Variants in FAM227B observed in about 807,000 individuals in gnomAD.
The protein encoded by FAM227B is family with sequence similarity 227 member B, also known as protein FAM227B.
Under a neutral mutation model 73.8 loss-of-function variants are expected in FAM227B, and 88 were observed. The observed-to-expected ratio is 1.19, with a 90% CI of 1.00 to 1.42. The LOEUF (loss-of-function observed/expected upper bound fraction) is 1.42. Ranked by LOEUF, FAM227B falls within the 40% of genes most tolerant of loss-of-function variation. The pLI, the probability that FAM227B is intolerant of heterozygous loss-of-function variation, is 0.00. For missense variants in FAM227B, 632 were observed against 590.9 expected (o/e 1.07, Z -0.72); for synonymous variants, 210 against 190.5 (o/e 1.10, Z -0.84).
intron 11 of FAM227B, among the ~76,000 whole-genome samples, chr15:49,470,521 A>G (rs2054644917): frequency 6.6e-6 from 1 of 152,146 alleles, no homozygotes; most frequent in African/African-American, 2.4e-5. Flanking sequence ...ACTCCAACAC[A>G]TTATCACTCC....
chr15:49,353,907 CTT>C (rs1174882540), intron 13 of FAM227B: 1 of 152,022 alleles, frequency 6.6e-6, no homozygotes, highest in Non-Finnish European at 1.5e-5. Context: ...TTGATAGTTA[CTT>C]TAGTAATAAC....
intron 13 of FAM227B, chr15:49,344,205 AAG>A (rs1214976457): frequency 6.6e-6 from 1 of 152,188 alleles, no homozygotes; most frequent in African/African-American, 2.4e-5. Flanking sequence ...AATCAAAAGA[AAG>A]AAAATTATCA....
chr15:49,341,820 ATTTG>A (rs1182590910), intron 13 of FAM227B, among the ~76,000 whole-genome samples: 1 of 152,008 alleles, frequency 6.6e-6, no homozygotes, highest in Non-Finnish European at 1.5e-5. Flanking sequence ...GGCAGGGGCA[ATTTG>A]TTTGATTTTC....
At chr15:49,348,223 G>A (rs983267475) in intron 13 of FAM227B, among the ~76,000 whole-genome samples, 1 of 151,994 alleles carries the variant, frequency 6.6e-6, no homozygotes, top group African/African-American at 2.4e-5. Context: ...TGCTTTGAAG[G>A]ACTTTGGCTA....
At chr15:49,601,320 G>A (rs2077193335) in intron 3 of FAM227B, among the ~76,000 whole-genome samples, 1 of 151,232 alleles carries the variant, frequency 6.6e-6, no homozygotes, top group African/African-American at 2.4e-5. Context: ...GTTATATAAG[G>A]CTTACATAAA....
chr15:49,549,967 C>T (rs1250973520), intron 9 of FAM227B, among the ~76,000 whole-genome samples: 1 of 108,354 alleles, frequency 9.2e-6, no homozygotes, highest in Admixed American at 9.1e-5. Flanking sequence ...GGGGGCTGAC[C>T]CCCCCACCTC....
chr15:49,387,073 A>T (rs768635936), intron 11 of FAM227B, among the ~76,000 whole-genome samples: 3 of 151,876 alleles, frequency 2.0e-5, no homozygotes, highest in Non-Finnish European at 2.9e-5. Context: ...ACATTCAAAG[A>T]ATTGGTACTA....
intron 11 of FAM227B, among the ~76,000 whole-genome samples, chr15:49,404,536 T>TA (rs1469061638): frequency 6.6e-6 from 1 of 152,040 alleles, no homozygotes; most frequent in African/African-American, 2.4e-5. Context: ...GTCTTTTTTT[T>TA]ATGTTTGTTG....
At chr15:49,378,728 AGAT>A in intron 11 of FAM227B, among the ~76,000 whole-genome samples, 1 of 152,254 alleles carries the variant, frequency 6.6e-6, no homozygotes, top group Non-Finnish European at 1.5e-5. Flanking sequence ...TCCAAATATA[AGAT>A]AAACTCATCT....
intron 13 of FAM227B, among the ~76,000 whole-genome samples, chr15:49,355,558 T>A (rs1404841728): frequency 6.6e-6 from 1 of 151,952 alleles, no homozygotes; most frequent in Non-Finnish European, 1.5e-5. Flanking sequence ...TAAAAAGAAA[T>A]GAGCAAAGCC....
intron 8 of FAM227B, among the ~76,000 whole-genome samples, chr15:49,570,774 G>C (rs1158148089): frequency 6.7e-6 from 1 of 148,884 alleles, no homozygotes; most frequent in Non-Finnish European, 1.5e-5. Context: ...TTCCATCTAG[G>C]TTGTTGGAAA....
chr15:49,492,189 G>C (rs1159165434), intron 11 of FAM227B, among the ~76,000 whole-genome samples: 1 of 151,862 alleles, frequency 6.6e-6, no homozygotes, highest in Non-Finnish European at 1.5e-5. Flanking sequence ...GTCAGTCACA[G>C]GTTTGAAAGC....
rs12148716 is a variant in FAM227B at position 49,577,379 on chromosome 15, T to C, written c.441+250A>G. On this transcript the variant is annotated intron_variant, in intron 6 of 15. Coordinates refer to ENST00000299338, the MANE Select transcript of FAM227B (RefSeq NM_152647.3). ...AACCCTAGCACATTCATATGTCATA[T>C]CTAAAATAAAAACAAAATCATATTT... is the stretch of plus-strand genomic sequence containing the variant. The C allele has an allele frequency of 0.25, 102,762 of 419,146 alleles. 14,962 individuals are homozygous for C. Among genetic ancestry groups the C allele is most frequent in the Non-Finnish European group, 0.31 (72,336 of 229,904 alleles). The allele number at this position is 419,146 out of a possible 1,614,324, so 26.0% of individuals were successfully genotyped here.
intron 11 of FAM227B, chr15:49,424,669 T>C: frequency 1.8e-6 from 2 of 1,087,048 alleles, no homozygotes; most frequent in Non-Finnish European, 2.6e-6. Flanking sequence ...ATCTTCCTTT[T>C]GCTTCTTGGA....
intron 3 of FAM227B, among the ~76,000 whole-genome samples, chr15:49,597,088 T>A (rs111385306): frequency 5.3e-5 from 8 of 151,890 alleles, no homozygotes; most frequent in African/African-American, 1.9e-4. Flanking sequence ...AACAAAGAAA[T>A]TATGGACTTA....
chr15:49,523,135 C>A (rs2059907232), intron 10 of FAM227B, among the ~76,000 whole-genome samples: 1 of 152,124 alleles, frequency 6.6e-6, no homozygotes, highest in African/African-American at 2.4e-5. Flanking sequence ...GACTTCTAAG[C>A]AGAAACCTTG....
intron 11 of FAM227B, among the ~76,000 whole-genome samples, chr15:49,475,467 A>G (rs1300749655): frequency 6.6e-6 from 1 of 152,176 alleles, no homozygotes; most frequent in Admixed American, 6.5e-5. Context: ...CAGAGATGGG[A>G]GCCTGTGAAA....
At chr15:49,356,338 C>CA (rs1330553823) in intron 13 of FAM227B, among the ~76,000 whole-genome samples, 1 of 150,162 alleles carries the variant, frequency 6.7e-6, no homozygotes, top group African/African-American at 2.4e-5. Context: ...TCAGGAAACC[C>CA]ATCTCATGTG....
At chr15:49,533,747 T>C (rs1333049585) in intron 10 of FAM227B, among the ~76,000 whole-genome samples, 1 of 151,878 alleles carries the variant, frequency 6.6e-6, no homozygotes, top group Non-Finnish European at 1.5e-5. Context: ...CTTGTCACTT[T>C]CTAAGTGCAA....
Sources: gnomAD v4.1 joint callset for allele counts (sites outside exome capture counted in the v4.1 genomes callset) on GRCh38, gnomAD v4.1.1 for gene constraint, MANE v1.5 for transcripts, NCBI Gene and HGNC (gene_info 2026-07-23, HGNC 2026-07-21) for gene names.